Variants in UAP1 observed in about 807,000 individuals in gnomAD.
The protein encoded by UAP1 is UDP-N-acetylhexosamine pyrophosphorylase.
A neutral mutation model predicts 58.5 loss-of-function variants in UAP1; 25 were observed. The observed-to-expected ratio is 0.43, with a 90% CI of 0.31 to 0.60. UAP1 has a LOEUF of 0.60. UAP1 is among the 20% of genes least tolerant of loss of function. The pLI is 0.11. For synonymous variants in UAP1, 208 were observed against 213.0 expected, an observed-to-expected ratio of 0.98 and a Z score of 0.21; for missense variants, 575 against 630.0, an observed-to-expected ratio of 0.91 and a Z score of 0.93.
chr1:162,562,060 C>A (rs1301378890), intron 1 of UAP1, among the ~76,000 whole-genome samples: 4 of 152,170 alleles, frequency 2.6e-5, no homozygotes, highest in African/African-American at 9.6e-5. Flanking sequence ...ATGGAATGAG[C>A]GCGCCCCAGA....
chr1:162,586,527 C>G (rs538658893), intron 5 of UAP1, among the ~76,000 whole-genome samples: 1 of 152,254 alleles, frequency 6.6e-6, no homozygotes, highest in South Asian at 2.1e-4. Context: ...AGGGTTTCAC[C>G]TTGTTGCCTA....
At chr1:162,563,412 T>G (rs576994235) in intron 1 of UAP1, among the ~76,000 whole-genome samples, 1 of 152,218 alleles carries the variant, frequency 6.6e-6, no homozygotes, top group African/African-American at 2.4e-5. Context: ...GTCGCCAGGC[T>G]GGAGTTCAGT....
chr1:162,596,361 G>A (rs1655619626), intron 9 of UAP1, among the ~76,000 whole-genome samples: 1 of 151,918 alleles, frequency 6.6e-6, no homozygotes, highest in Non-Finnish European at 1.5e-5. Context: ...TTTTATTAGA[G>A]ACAGGGTTTC....
At chr1:162,593,376 G>A (rs1253944482) in intron 9 of UAP1, 1 of 152,168 alleles carries the variant, frequency 6.6e-6, no homozygotes, top group Non-Finnish European at 1.5e-5. Context: ...TCTCCCATCT[G>A]GGTACTGACA....
intron 2 of UAP1, among the ~76,000 whole-genome samples, chr1:162,569,391 A>G (rs1000388436): frequency 1.3e-5 from 2 of 152,238 alleles, no homozygotes; most frequent in Admixed American, 6.5e-5. Context: ...AAGGTCGAAT[A>G]TAAGTGACCA....
intron 5 of UAP1, among the ~76,000 whole-genome samples, chr1:162,581,870 C>T (rs548336735): frequency 1.3e-5 from 2 of 152,220 alleles, no homozygotes; most frequent in African/African-American, 4.8e-5. Flanking sequence ...AGGTATCTTA[C>T]GATGTTCTTT....
chr1:162,582,586 A>G (rs1654655941), intron 5 of UAP1, among the ~76,000 whole-genome samples: 2 of 152,252 alleles, frequency 1.3e-5, no homozygotes, highest in Non-Finnish European at 2.9e-5. Context: ...TATCAGTTTT[A>G]GGTGGATTAC....
chr1:162,590,892 G>C (rs2101827373), intron 8 of UAP1, among the ~76,000 whole-genome samples: 1 of 146,520 alleles, frequency 6.8e-6, no homozygotes, highest in South Asian at 2.2e-4. Context: ...AGGATTGTTT[G>C]TTGTTGCCCA....
intron 2 of UAP1, among the ~76,000 whole-genome samples, chr1:162,573,265 A>C (rs1473581097): frequency 6.6e-6 from 1 of 152,022 alleles, no homozygotes; most frequent in Non-Finnish European, 1.5e-5. Flanking sequence ...TGGGTAAGAC[A>C]GACTAAAAAA....
rs761053312 is a variant in UAP1, at chr1:162,587,688, C to G, written c.1028+20C>G. 2 of 1,595,120 alleles carry G rather than the reference C, an allele frequency of 1.3e-6. No individual in the cohort carries two copies. Among genetic ancestry groups the G allele is most frequent in the East Asian group, 4.5e-5 (2 of 44,610 alleles). ...TGTCAAGTATGGGCAAGATGGGGGC[C>G]TTTTAAAATTATATTTATTGTTAAT... On this transcript the variant is annotated intron_variant, in intron 6 of 10. Coordinates refer to ENST00000271469, the Ensembl canonical transcript of UAP1.
chr1:162,577,917 TTTG>T (rs1474066846), intron 3 of UAP1, among the ~76,000 whole-genome samples: 1 of 151,828 alleles, frequency 6.6e-6, no homozygotes, highest in Non-Finnish European at 1.5e-5. Flanking sequence ...GCTATTTTTT[TTTG>T]TTTTTTTTAT....
chr1:162,581,798 T>C (rs532613371), intron 5 of UAP1, among the ~76,000 whole-genome samples: 1 of 152,320 alleles, frequency 6.6e-6, no homozygotes, highest in South Asian at 2.1e-4. Flanking sequence ...GACAAAGTTA[T>C]TGGAGTAGGT....
At chr1:162,589,626 T>C (rs189721901) in intron 7 of UAP1, among the ~76,000 whole-genome samples, 1 of 152,234 alleles carries the variant, frequency 6.6e-6, no homozygotes, top group African/African-American at 2.4e-5. Flanking sequence ...ACATTTGATG[T>C]TGAGATGCTT....
At chr1:162,561,537 G>T (rs1440326143) in exon 1 of UAP1, 1 of 152,180 alleles carries the variant, frequency 6.6e-6, no homozygotes, top group East Asian at 1.9e-4. Context: ...CGTCGTCTGT[G>T]CTCCCGGCGC....
chr1:162,599,129 T>G, intron 10 of UAP1, 142 bp from the exon 11 acceptor site: 3 of 512,454 alleles, frequency 5.9e-6, no homozygotes, highest in Non-Finnish European at 1.0e-5. Context: ...CTCTAAAATG[T>G]CTATTAAATA....
At chr1:162,570,086 T>C (rs1038807778) in intron 2 of UAP1, among the ~76,000 whole-genome samples, 20 of 151,876 alleles carry the variant, frequency 1.3e-4, no homozygotes, top group Admixed American at 1.2e-3. Flanking sequence ...GAGGCGGAGC[T>C]TGCAGTGAGC....
chr1:162,581,544 G>A, intron 5 of UAP1, 85 bp downstream of exon 5: 4 of 1,349,974 alleles, frequency 3.0e-6, no homozygotes, highest in Non-Finnish European at 4.0e-6. Flanking sequence ...AAGTTTATTA[G>A]GGTGATTTGA....
At chr1:162,586,860 T>C (rs1387544428) in intron 5 of UAP1, among the ~76,000 whole-genome samples, 4 of 152,200 alleles carry the variant, frequency 2.6e-5, no homozygotes, top group Non-Finnish European at 5.9e-5. Context: ...TCAAACAAAA[T>C]TGAGTATACA....
chr1:162,600,709 A>T (rs1373381900), downstream of UAP1, among the ~76,000 whole-genome samples: 8 of 141,060 alleles, frequency 5.7e-5, no homozygotes, highest in South Asian at 2.2e-4. Flanking sequence ...TTTTTTTTTT[A>T]ACTAAGGCCT....
Sources: allele counts gnomAD v4.1 joint callset (sites outside exome capture counted in the v4.1 genomes callset), GRCh38; gene constraint gnomAD v4.1.1; transcripts MANE v1.5; gene names NCBI Gene and HGNC (gene_info 2026-07-23, HGNC 2026-07-21).